FANCD2: variants seen among roughly 807,000 people sequenced by gnomAD.
The protein encoded by FANCD2 is Fanconi anemia group D2 protein.
FANCD2 carries 131 observed loss-of-function variants against 192.3 expected under a neutral mutation model. The observed-to-expected ratio is 0.68, with a 90% confidence interval of 0.59 to 0.79. The LOEUF (loss-of-function observed/expected upper bound fraction) is 0.79. Among genes scored for constraint, FANCD2 ranks in the 30% least tolerant of loss-of-function variants. FANCD2 has a pLI of 0.00. For missense variants in FANCD2, 1,508 were observed against 1,701.6 expected, an observed-to-expected ratio of 0.89 and a Z score of 2.00; for synonymous variants, 524 against 612.5, an observed-to-expected ratio of 0.86 and a Z score of 2.13.
chr3:10,085,747 C>G, intron 32 of FANCD2, 65 bp from the exon 33 acceptor site: 1 of 1,028,332 alleles, frequency 9.7e-7, no homozygotes, highest in Non-Finnish European at 1.5e-6. Context: ...AGGCCAGGAT[C>G]CTTAAATACT....
chr3:10,060,748 T>C lies in FANCD2; in HGVS notation c.1766+345T>C, dbSNP rs142321663. On this transcript the variant is annotated intron_variant, in intron 19 of 43. Transcript: ENST00000675286. ...GCACTAGACAATGCAGGTGTCTACA[T>C]TGCTGTGTCATTCCTGTCGGGAACT... Among the ~76,000 whole-genome samples the C allele has an allele frequency of 5.9e-5, 9 of 152,344 alleles. No homozygotes were observed. In the East Asian group the frequency reaches 1.5e-3, roughly 26 times the overall value.
At chr3:10,059,264 T>C (rs146741161) in intron 18 of FANCD2, among the ~76,000 whole-genome samples, 4 of 152,274 alleles carry the variant, frequency 2.6e-5, no homozygotes, top group Non-Finnish European at 5.9e-5. Flanking sequence ...TCCAGCAGCC[T>C]CAGCCTCCCA....
Position 10,049,476 on chromosome 3 carries a change from G to T in FANCD2, c.1516G>T (p.Ala506Ser), listed in dbSNP as rs767699213. The T allele has an allele frequency of 6.2e-7, 1 of 1,600,986 alleles. No individual in the cohort carries two copies. The highest frequency in any genetic ancestry group is 1.4e-5 in the African/African-American group (1 of 73,780). Residue 506 changes from alanine (A) to serine (S), a missense_variant, in exon 17 of 44, where the codon GCT becomes TCT. By Grantham distance (99) the Ala-to-Ser change is moderately conservative (BLOSUM62 1). Around this residue, in one of 5 missense-constraint regions of FANCD2, gnomAD observed 108 missense variants for 174.1 expected, o/e 0.62. Transcript: ENST00000675286. The part of the protein sequence containing the change: ...LLELVVLNPS[A>S]MMMNAVFVKG... ...AGAGTTGGTAGTGTTAAACCCATCT[G>T]CTATGATGATGAATGCTGTCTTTGT... is the stretch of plus-strand genomic sequence containing the variant.
At chr3:10,061,706 A>T (rs1285771568) in intron 19 of FANCD2, among the ~76,000 whole-genome samples, 1 of 152,218 alleles carries the variant, frequency 6.6e-6, no homozygotes, top group Non-Finnish European at 1.5e-5. Flanking sequence ...AAAAAAATAT[A>T]TAGGATAACC....
intron 18 of FANCD2, among the ~76,000 whole-genome samples, chr3:10,054,582 C>T (rs1270211822): frequency 7.1e-6 from 1 of 140,280 alleles, no homozygotes; most frequent in African/African-American, 2.7e-5. Context: ...CTCCCAGGTT[C>T]CCGCCATTCT....
At chr3:10,039,433 T>C in intron 8 of FANCD2, 76 bp downstream of exon 8, 6 of 1,287,614 alleles carry the variant, frequency 4.7e-6, no homozygotes, top group Non-Finnish European at 4.4e-6. Context: ...TTTTTTTTTC[T>C]TTCTAAACAG....
At chr3:10,032,453 G>A (rs2086625652) in intron 2 of FANCD2, 2 of 293,508 alleles carry the variant, frequency 6.8e-6, no homozygotes, top group Non-Finnish European at 1.3e-5. Flanking sequence ...ACTAGTTTGT[G>A]TGTGGAGGGG....
chr3:10,059,827 C>G (rs939915553), intron 18 of FANCD2, among the ~76,000 whole-genome samples: 1 of 151,726 alleles, frequency 6.6e-6, no homozygotes, highest in African/African-American at 2.4e-5. Flanking sequence ...AAAAAAGTCC[C>G]CATTTCACAG....
At position 10,081,558 on chromosome 3, in the gene FANCD2, T is replaced by G. The variant is rs1231311522; in HGVS notation, c.3224+94T>G. On this transcript the variant is annotated intron_variant, in intron 32 of 43. Coordinates refer to ENST00000675286, the MANE Select transcript of FANCD2 (RefSeq NM_001018115.3). ...TGAAATGTAGAAAAGAAAGAAAAGGTTCAAAAATCTTATGTGAATATGGTT... is the reference window on the plus strand; with the variant it reads ...TGAAATGTAGAAAAGAAAGAAAAGGGTCAAAAATCTTATGTGAATATGGTT... The G allele has an allele frequency of 4.4e-6, 4 of 900,732 alleles. No individual in the cohort carries two copies. In the African/African-American group the frequency reaches 6.5e-5, roughly 15 times the overall value. 55.8% of individuals were successfully genotyped at this position (900,732 alleles called of 1,614,324 possible).
intron 41 of FANCD2, among the ~76,000 whole-genome samples, chr3:10,095,990 G>A (rs187453586): frequency 5.3e-5 from 8 of 150,648 alleles, no homozygotes; most frequent in East Asian, 3.9e-4. Context: ...GACAGTGAAT[G>A]TTTAAGGAAT....
intron 18 of FANCD2, among the ~76,000 whole-genome samples, chr3:10,055,575 G>A (rs533336020): frequency 1.3e-5 from 2 of 152,278 alleles, no homozygotes; most frequent in East Asian, 1.9e-4. Context: ...CACTTTGGGA[G>A]GCTGAGGCGG....
At chr3:10,060,717 A>T (rs1002517164) in intron 19 of FANCD2, among the ~76,000 whole-genome samples, 4 of 152,198 alleles carry the variant, frequency 2.6e-5, no homozygotes, top group Non-Finnish European at 4.4e-5. Context: ...TCTGCTCCTG[A>T]TATAGGCACT....
chr3:10,075,028 C>G (rs115405316), intron 29 of FANCD2, among the ~76,000 whole-genome samples: 1 of 152,118 alleles, frequency 6.6e-6, no homozygotes, highest in Non-Finnish European at 1.5e-5. Flanking sequence ...TTGTTCAGCA[C>G]CTGACAGTTG....
At chr3:10,044,877 A>G (rs1214995523) in intron 14 of FANCD2, among the ~76,000 whole-genome samples, 1 of 152,208 alleles carries the variant, frequency 6.6e-6, no homozygotes, top group African/African-American at 2.4e-5. Context: ...ATCATTGTAT[A>G]AATATAATTT....
At chr3:10,048,154 T>C (rs2087084147) in intron 16 of FANCD2, 103 bp downstream of exon 16, 2 of 1,506,902 alleles carry the variant, frequency 1.3e-6, no homozygotes, top group Non-Finnish European at 1.8e-6. Flanking sequence ...GAAGGAACTC[T>C]GACCTGGGTC....
chr3:10,083,271 A>C (rs543808355), intron 32 of FANCD2, among the ~76,000 whole-genome samples: 1 of 152,316 alleles, frequency 6.6e-6, no homozygotes, highest in African/African-American at 2.4e-5. Context: ...AAGTTAACAC[A>C]GAAAATAAAC....
chr3:10,095,425 T>G lies in FANCD2; in HGVS notation c.4038+151T>G, dbSNP rs1575866143. On this transcript the variant is annotated intron_variant, in intron 41 of 43. Coordinates refer to ENST00000675286, the MANE Select transcript of FANCD2 (RefSeq NM_001018115.3). ...TTATTCAGAGCAAATCCTTAGTTGCTCCTTGAGATTGGGCAGTCCTCTAGA... is the reference window on the plus strand; with the variant it reads ...TTATTCAGAGCAAATCCTTAGTTGCGCCTTGAGATTGGGCAGTCCTCTAGA... 12 of 699,546 alleles carry G rather than the reference T, an allele frequency of 1.7e-5. No homozygotes were observed. In the East Asian group the frequency reaches 2.7e-4, roughly 16 times the overall value. The allele number at this position is 699,546 out of a possible 1,614,324, so 43.3% of individuals were successfully genotyped here.
rs190990145 is a variant in FANCD2, at chr3:10,095,282, G to A, written c.4038+8G>A. On this transcript the variant is annotated splice_region_variant and intron_variant, in intron 41 of 43. Coordinates refer to ENST00000675286, the MANE Select transcript of FANCD2 (RefSeq NM_001018115.3). Reference sequence around the variant, plus strand: ...CTGTGTGGGCATTCCAAGGTAAGAAGGGGAGCAGGTTCTATCAGCAGCCTG... The same window carrying A: ...CTGTGTGGGCATTCCAAGGTAAGAAAGGGAGCAGGTTCTATCAGCAGCCTG... 565 of 1,613,398 alleles carry A rather than the reference G, an allele frequency of 3.5e-4. 8 individuals carry two copies. In the South Asian group the frequency reaches 4.7e-3, roughly 13 times the overall value.
At chr3:10,050,452 G>A (rs746985045) in intron 17 of FANCD2, among the ~76,000 whole-genome samples, 32 of 151,652 alleles carry the variant, frequency 2.1e-4, no homozygotes, top group African/African-American at 3.9e-4. Context: ...GTGAAACCCC[G>A]TCTCTACTAA....
Sources: allele counts gnomAD v4.1 joint callset (sites outside exome capture counted in the v4.1 genomes callset), GRCh38; gene constraint gnomAD v4.1.1; regional missense constraint gnomAD v4.1.1; transcripts MANE v1.5; gene names NCBI Gene and HGNC (gene_info 2026-07-23, HGNC 2026-07-21).